RORA: variants seen among roughly 807,000 people sequenced by gnomAD.
RORA encodes nuclear receptor ROR-alpha.
In RORA, 7 loss-of-function variants were observed where a neutral mutation model predicts 69.5. That is an observed-to-expected ratio of 0.10 (90% CI 0.06 to 0.19). The LOEUF (loss-of-function observed/expected upper bound fraction) is 0.19, where lower values mean the gene tolerates loss of function less well. Among genes scored for constraint, RORA ranks in the 10% least tolerant of loss-of-function variants. RORA has a pLI of 1.00. For synonymous variants in RORA, 261 were observed against 240.8 expected, an observed-to-expected ratio of 1.08 and a Z score of -0.78; for missense variants, 457 against 663.0, an observed-to-expected ratio of 0.69 and a Z score of 3.41.
In RORA at chr15:60,580,895, C is replaced by A. The variant is rs539688774; in HGVS notation, c.197-49044G>T. ...TCAGTCATTTCTTACATCTGAACAACCATGTTTCTTTACAGCGCCTCTTTT... is the reference window on the plus strand; with the variant it reads ...TCAGTCATTTCTTACATCTGAACAAACATGTTTCTTTACAGCGCCTCTTTT... On this transcript the variant is annotated intron_variant, in intron 2 of 10. Transcript: ENST00000335670. 3.3e-5 allele frequency among the ~76,000 whole-genome samples: 5 copies of A among 152,342 alleles called. No individual in the cohort carries two copies. The South Asian group carries it at 1.0e-3, about 32-fold the overall frequency.
At chr15:60,681,411 A>G (rs1432284508) in intron 1 of RORA, among the ~76,000 whole-genome samples, 1 of 152,204 alleles carries the variant, frequency 6.6e-6, no homozygotes, top group Non-Finnish European at 1.5e-5. Context: ...AACCTATGGG[A>G]GTGCCCTCAG....
chr15:60,793,573 A>G (rs1398061133), intron 1 of RORA, among the ~76,000 whole-genome samples: 2 of 152,208 alleles, frequency 1.3e-5, no homozygotes, highest in Non-Finnish European at 2.9e-5. Flanking sequence ...CCAAGGAACT[A>G]CATTAAACCA....
At chr15:61,214,020 A>G (rs2080016312) in intron 1 of RORA, 1 of 152,212 alleles carries the variant, frequency 6.6e-6, no homozygotes, top group African/African-American at 2.4e-5. Flanking sequence ...ATGCTCATGT[A>G]AAAGGCAGAG....
At chr15:60,804,282 C>T (rs1269337377) in intron 1 of RORA, among the ~76,000 whole-genome samples, 7 of 99,624 alleles carry the variant, frequency 7.0e-5, no homozygotes, top group African/African-American at 2.2e-4. Flanking sequence ...GAGCAAACTC[C>T]ATCTCAAAAA....
intron 1 of RORA, among the ~76,000 whole-genome samples, chr15:61,123,520 T>C (rs1368761780): frequency 6.6e-6 from 1 of 152,154 alleles, no homozygotes; most frequent in Non-Finnish European, 1.5e-5. Context: ...CAAAAAATTC[T>C]TCATATAAAA....
chr15:60,813,266 T>C (rs995876772), intron 1 of RORA, among the ~76,000 whole-genome samples: 1 of 152,170 alleles, frequency 6.6e-6, no homozygotes, highest in African/African-American at 2.4e-5. Flanking sequence ...GACAGGTTGG[T>C]GAGGGCAGAG....
At chr15:60,934,405 C>A (rs1201614356) in intron 1 of RORA, among the ~76,000 whole-genome samples, 1 of 152,134 alleles carries the variant, frequency 6.6e-6, no homozygotes, top group Admixed American at 6.5e-5. Flanking sequence ...AACAAAAACA[C>A]AGATTGCTGG....
At chr15:60,814,470 T>A (rs1337765894) in intron 1 of RORA, among the ~76,000 whole-genome samples, 1 of 152,152 alleles carries the variant, frequency 6.6e-6, no homozygotes, top group African/African-American at 2.4e-5. Flanking sequence ...GTTCCTAATA[T>A]GAGTTAAATA....
intron 2 of RORA, among the ~76,000 whole-genome samples, chr15:60,588,448 TCATCCATCCATCCATC>T (rs55840229): frequency 1.3e-5 from 2 of 150,534 alleles, no homozygotes; most frequent in East Asian, 2.0e-4. Context: ...GCAAATCTAT[TCATCCATCCATCCATC>T]CATCCATCCA....
intron 1 of RORA, among the ~76,000 whole-genome samples, chr15:61,030,891 A>G (rs1896130793): frequency 6.6e-6 from 1 of 152,216 alleles, no homozygotes; most frequent in South Asian, 2.1e-4. Flanking sequence ...ATAGTTTAAA[A>G]CTCACAAAAC....
intron 1 of RORA, among the ~76,000 whole-genome samples, chr15:60,914,608 C>T (rs2140482707): frequency 6.6e-6 from 1 of 152,314 alleles, no homozygotes; most frequent in South Asian, 2.1e-4. Context: ...GTCCAGCTGG[C>T]TTCTTTCCCA....
intron 1 of RORA, among the ~76,000 whole-genome samples, chr15:61,046,738 C>A (rs1202319034): frequency 6.6e-6 from 1 of 152,186 alleles, no homozygotes; most frequent in Non-Finnish European, 1.5e-5. Flanking sequence ...GAATTGATAA[C>A]AGATGCCAAC....
intron 1 of RORA, among the ~76,000 whole-genome samples, chr15:61,220,139 C>A (rs926058446): frequency 6.6e-6 from 1 of 152,252 alleles, no homozygotes; most frequent in Non-Finnish European, 1.5e-5. Flanking sequence ...GGCAATTTCA[C>A]ACTTGTCATC....
intron 1 of RORA, among the ~76,000 whole-genome samples, chr15:60,845,327 C>A (rs937376498): frequency 6.6e-6 from 1 of 152,194 alleles, no homozygotes; most frequent in Non-Finnish European, 1.5e-5. Context: ...TAGTTAGGTT[C>A]TGAATTCTCT....
chr15:60,855,432 T>G (rs577734418), intron 1 of RORA, among the ~76,000 whole-genome samples: 1 of 152,218 alleles, frequency 6.6e-6, no homozygotes, highest in Non-Finnish European at 1.5e-5. Context: ...AGAGCAGTAT[T>G]ATTCCACTTG....
intron 1 of RORA, among the ~76,000 whole-genome samples, chr15:60,908,516 T>C (rs1891611399): frequency 6.6e-6 from 1 of 152,190 alleles, no homozygotes; most frequent in Admixed American, 6.5e-5. Flanking sequence ...GGCGGCACTA[T>C]TAGTGCTACT....
chr15:61,037,306 G>A (rs1215166823), intron 1 of RORA, among the ~76,000 whole-genome samples: 3 of 152,220 alleles, frequency 2.0e-5, no homozygotes, highest in Non-Finnish European at 4.4e-5. Context: ...AATTTGGGTA[G>A]AGGAAGTACG....
At chr15:60,756,268 T>G (rs952323397) in intron 1 of RORA, among the ~76,000 whole-genome samples, 1 of 152,224 alleles carries the variant, frequency 6.6e-6, no homozygotes, top group African/African-American at 2.4e-5. Context: ...CACCATTGGG[T>G]GAGGAGCTGA....
intron 2 of RORA, among the ~76,000 whole-genome samples, chr15:60,658,142 G>A (rs992614738): frequency 3.1e-4 from 47 of 151,654 alleles, no homozygotes; most frequent in African/African-American, 1.1e-3. Flanking sequence ...GTGCAGTGGC[G>A]TGATCTCGGA....
Sources: gnomAD v4.1 joint callset for allele counts (sites outside exome capture counted in the v4.1 genomes callset) on GRCh38, gnomAD v4.1.1 for gene constraint, MANE v1.5 for transcripts, NCBI Gene and HGNC (gene_info 2026-07-23, HGNC 2026-07-21) for gene names.